Variants in MYBPC1 observed in about 807,000 individuals in gnomAD.
MYBPC1 encodes myosin binding protein C1, also known as myosin-binding protein C, slow-type.
In MYBPC1, 52 loss-of-function variants were observed where a neutral mutation model predicts 147.1. That is an observed-to-expected ratio of 0.35 (90% CI 0.28 to 0.45). The LOEUF is 0.45. MYBPC1 is among the 20% of genes least tolerant of loss of function. The probability of loss-of-function intolerance (pLI) is 1.00; values close to 1 mark genes in which losing one functional copy is unlikely to be tolerated. For missense variants in MYBPC1, 1,228 were observed against 1,440.3 expected (o/e 0.85, Z 2.39); for synonymous variants, 477 against 475.9 (o/e 1.00, Z -0.03).
At chr12:101,640,017 T>C (rs1891715151) in intron 10 of MYBPC1, among the ~76,000 whole-genome samples, 1 of 152,088 alleles carries the variant, frequency 6.6e-6, no homozygotes, top group African/African-American at 2.4e-5. Context: ...TATACATCTT[T>C]TTTGGGTTTT....
At chr12:101,617,000 A>G (rs367759644) in intron 2 of MYBPC1, among the ~76,000 whole-genome samples, 10 of 152,306 alleles carry the variant, frequency 6.6e-5, no homozygotes, top group African/African-American at 2.4e-4. Flanking sequence ...TGATCAGATT[A>G]ATTGCTTTTC....
chr12:101,668,684 C>G (rs1489885584), intron 23 of MYBPC1, among the ~76,000 whole-genome samples: 1 of 152,172 alleles, frequency 6.6e-6, no homozygotes, highest in Admixed American at 6.5e-5. Flanking sequence ...AGGCTGGTCT[C>G]GAACTCCTGA....
chr12:101,614,198 G>A (rs1485198409), intron 1 of MYBPC1, among the ~76,000 whole-genome samples: 1 of 152,110 alleles, frequency 6.6e-6, no homozygotes, highest in Non-Finnish European at 1.5e-5. Flanking sequence ...AAGGACACTC[G>A]GATCCCCATT....
chr12:101,638,975 T>C (rs1223877653), intron 10 of MYBPC1, among the ~76,000 whole-genome samples: 1 of 140,084 alleles, frequency 7.1e-6, no homozygotes, highest in Non-Finnish European at 1.6e-5. Context: ...TAATGACATA[T>C]GGTTACCATT....
intron 21 of MYBPC1, among the ~76,000 whole-genome samples, chr12:101,662,834 G>A (rs925268671): frequency 1.3e-5 from 2 of 152,164 alleles, no homozygotes; most frequent in African/African-American, 2.4e-5. Flanking sequence ...TGAGTCCATG[G>A]ACATGTGAGT....
At chr12:101,598,263 A>C (rs978420317) in intron 1 of MYBPC1, among the ~76,000 whole-genome samples, 1 of 152,030 alleles carries the variant, frequency 6.6e-6, no homozygotes, top group Non-Finnish European at 1.5e-5. Context: ...CAGGTGGTCC[A>C]CCTGCCTCTG....
chr12:101,671,808 A>C lies in MYBPC1; in HGVS notation c.2613+1399A>C, dbSNP rs1392800040. Among the ~76,000 whole-genome samples, 5 of 152,162 alleles carry C rather than the reference A, an allele frequency of 3.3e-5. No individual in the cohort carries two copies. The South Asian group carries it at 1.0e-3, about 32-fold the overall frequency. On this transcript the variant is annotated intron_variant, in intron 24 of 31. Transcript: ENST00000361466. ...AATCATGAGAACAGGGACCGCATAG[A>C]TCTGGCATCCCAGAGACTGTTCAGC...
intron 11 of MYBPC1, 51 bp from the exon 12 acceptor site, chr12:101,644,613 T>C (rs199565815): frequency 6.6e-7 from 1 of 1,517,330 alleles, no homozygotes; most frequent in Non-Finnish European, 9.1e-7. Context: ...TTTAAATTCA[T>C]AGCATATGTA....
At chr12:101,663,823 A>T (rs2136499382) in intron 22 of MYBPC1, among the ~76,000 whole-genome samples, 1 of 152,364 alleles carries the variant, frequency 6.6e-6, no homozygotes, top group South Asian at 2.1e-4. Context: ...AGAGATTGTA[A>T]CAAAACTTTG....
chr12:101,610,329 A>T (rs1883784385), intron 1 of MYBPC1, among the ~76,000 whole-genome samples: 1 of 152,216 alleles, frequency 6.6e-6, no homozygotes, highest in African/African-American at 2.4e-5. Context: ...TAAAAATTGC[A>T]TCGAGCTCAA....
intron 4 of MYBPC1, among the ~76,000 whole-genome samples, chr12:101,627,210 C>G (rs1171640078): frequency 6.6e-6 from 1 of 151,992 alleles, no homozygotes; most frequent in East Asian, 1.9e-4. Context: ...ACCCTTTTCC[C>G]TGTTCTTTAA....
chr12:101,641,828 A>AT (rs62676162), intron 10 of MYBPC1, among the ~76,000 whole-genome samples: 79,075 of 149,728 alleles, frequency 0.53, 21,099 homozygotes, highest in East Asian at 0.68. Context: ...GGCAGTTTCA[A>AT]TTTTTTTTTT....
At chr12:101,617,359 C>A in intron 3 of MYBPC1, 116 bp downstream of exon 3, 1 of 1,099,220 alleles carries the variant, frequency 9.1e-7, no homozygotes, top group Non-Finnish European at 1.4e-6. Flanking sequence ...TTTCGTTCTG[C>A]CTTTGCATCT....
chr12:101,600,416 A>C (rs1299064423), intron 1 of MYBPC1: 3 of 152,150 alleles, frequency 2.0e-5, no homozygotes, highest in Non-Finnish European at 4.4e-5. Flanking sequence ...ACCCAGACTG[A>C]AGTTGCTTTT....
chr12:101,671,641 G>T (rs1440804973), intron 24 of MYBPC1, among the ~76,000 whole-genome samples: 1 of 152,144 alleles, frequency 6.6e-6, no homozygotes, highest in Non-Finnish European at 1.5e-5. Context: ...GGCAGGTATT[G>T]GGGACCCAGC....
intron 3 of MYBPC1, among the ~76,000 whole-genome samples, chr12:101,626,208 T>C (rs1357837563): frequency 1.3e-5 from 2 of 151,882 alleles, no homozygotes; most frequent in Non-Finnish European, 2.9e-5. Flanking sequence ...AAATGTGAAC[T>C]TTGAAGTTCA....
chr12:101,627,840 T>C (rs752670184), intron 5 of MYBPC1, 36 bp downstream of exon 5: 1 of 1,593,068 alleles, frequency 6.3e-7, no homozygotes, highest in Non-Finnish European at 8.6e-7. Flanking sequence ...CCTGACCTCA[T>C]CCTAATACAA....
At chr12:101,678,408 T>C (rs1900541129) in intron 28 of MYBPC1, among the ~76,000 whole-genome samples, 170 bp downstream of exon 28, 1 of 152,352 alleles carries the variant, frequency 6.6e-6, no homozygotes, top group East Asian at 1.9e-4. Flanking sequence ...GATGTAGTAG[T>C]AAAAAATGCT....
At chr12:101,640,881 G>A (rs1011411586) in intron 10 of MYBPC1, among the ~76,000 whole-genome samples, 1 of 152,010 alleles carries the variant, frequency 6.6e-6, no homozygotes, top group South Asian at 2.1e-4. Context: ...TTGGGATGCC[G>A]AGGTGGACGG....
Sources: gnomAD v4.1 joint callset for allele counts (sites outside exome capture counted in the v4.1 genomes callset) on GRCh38, gnomAD v4.1.1 for gene constraint, MANE v1.5 for transcripts, NCBI Gene and HGNC (gene_info 2026-07-23, HGNC 2026-07-21) for gene names.